The following UTP6 variants were observed in gnomAD, a reference collection of about 807,000 sequenced individuals.
The protein encoded by UTP6 is UTP6 small subunit processome component, also known as U3 small nucleolar RNA-associated protein 6 homolog.
A neutral mutation model predicts 96.5 loss-of-function variants in UTP6; 60 were observed. The ratio of observed to expected loss-of-function variants is 0.62; its 90% CI spans 0.51 to 0.77. The LOEUF is 0.77. UTP6 is among the 30% of genes least tolerant of loss of function. The pLI is 0.00. For missense variants in UTP6, 637 were observed against 706.5 expected, an observed-to-expected ratio of 0.90 and a Z score of 1.12; for synonymous variants, 215 against 240.1, an observed-to-expected ratio of 0.90 and a Z score of 0.96.
At chr17:31,880,297 C>T (rs966139497) in intron 11 of UTP6, 23 of 379,916 alleles carry the variant, frequency 6.1e-5, no homozygotes, top group South Asian at 1.2e-4. Context: ...GGCGGGCACC[C>T]GTAGTCCCAG....
At chr17:31,864,566 T>C (rs921984323) in intron 18 of UTP6, among the ~76,000 whole-genome samples, 2 of 152,246 alleles carry the variant, frequency 1.3e-5, no homozygotes, top group Middle Eastern at 3.4e-3. Flanking sequence ...TAACTCTAAA[T>C]ACATTTTTTT....
At chr17:31,864,017 TTTTTG>T (rs1406476956) in intron 18 of UTP6, among the ~76,000 whole-genome samples, 1 of 152,120 alleles carries the variant, frequency 6.6e-6, no homozygotes, top group Non-Finnish European at 1.5e-5. Context: ...GTTTTTTTGT[TTTTTG>T]TTTTTTTTCC....
At chr17:31,875,707 C>G (rs1910461401) in intron 13 of UTP6, among the ~76,000 whole-genome samples, 1 of 151,634 alleles carries the variant, frequency 6.6e-6, no homozygotes, top group Non-Finnish European at 1.5e-5. Context: ...TCTGTAATCC[C>G]AGCTACTCGG....
At position 31,862,157 on chromosome 17, in the gene UTP6, G is replaced by C. The variant is rs187711743; in HGVS notation, c.*1202C>G. On this transcript the variant is annotated 3_prime_UTR_variant, in exon 19 of 19. Coordinates refer to ENST00000261708, the MANE Select transcript of UTP6 (RefSeq NM_018428.3). Reference sequence around the variant, plus strand: ...AAAAATACAAAAATTGGCTGGGCGCGGTGGCGGGTGCCTGTAATCCCACCC... The same window carrying C: ...AAAAATACAAAAATTGGCTGGGCGCCGTGGCGGGTGCCTGTAATCCCACCC... 2 of 152,096 alleles carry C rather than the reference G, an allele frequency of 1.3e-5. No homozygotes were observed. Among genetic ancestry groups the C allele is most frequent in the Non-Finnish European group, 2.9e-5 (2 of 68,032 alleles). The allele number at this position is 152,096 out of a possible 1,614,324, so 9.4% of individuals were successfully genotyped here.
chr17:31,898,688 A>G (rs1211622982), intron 2 of UTP6, among the ~76,000 whole-genome samples: 1 of 152,020 alleles, frequency 6.6e-6, no homozygotes, highest in South Asian at 2.1e-4. Context: ...TGGGTGACAC[A>G]GAGAGACTCT....
chr17:31,888,049 C>A (rs928593804), intron 7 of UTP6: 3 of 148,576 alleles, frequency 2.0e-5, no homozygotes, highest in African/African-American at 7.4e-5. Flanking sequence ...GCTTCCAATA[C>A]ATTCTTTCTC....
At chr17:31,877,664 C>G (rs139462859) in intron 13 of UTP6, among the ~76,000 whole-genome samples, 3,679 of 151,874 alleles carry the variant, frequency 0.024, 68 homozygotes, top group Middle Eastern at 0.051. Flanking sequence ...AAACTCTGTC[C>G]CTACTAAAAA....
At chr17:31,896,203 C>T (rs1017364967) in intron 2 of UTP6, among the ~76,000 whole-genome samples, 1 of 151,284 alleles carries the variant, frequency 6.6e-6, no homozygotes, top group Non-Finnish European at 1.5e-5. Context: ...TCAGCCTCCC[C>T]AGTAGCTGGG....
rs991787575 is a variant in UTP6 at position 31,880,896 on chromosome 17, G to A, written c.786-142C>T. 160 of 1,172,760 alleles carry A rather than the reference G, an allele frequency of 1.4e-4. 1 individual carries two copies. The South Asian group carries it at 1.9e-3, about 14-fold the overall frequency. 72.6% of individuals were successfully genotyped at this position (1,172,760 alleles called of 1,614,324 possible). On this transcript the variant is annotated intron_variant, in intron 10 of 18. Transcript: ENST00000261708. ...TACCATAAAAACTATTTCCCAGGCC[G>A]GGCCCGGTGGCTCACGCCACTGGGA...
intron 10 of UTP6, among the ~76,000 whole-genome samples, chr17:31,881,291 C>T (rs75122780): frequency 3.2e-4 from 47 of 144,798 alleles, no homozygotes; most frequent in Admixed American, 1.5e-3. Context: ...TTTTTTGAGC[C>T]AGAATCTCAT....
intron 12 of UTP6, 138 bp downstream of exon 12, chr17:31,878,564 G>A (rs561636597): frequency 3.1e-5 from 28 of 890,148 alleles, no homozygotes; most frequent in Non-Finnish European, 3.5e-5. Flanking sequence ...AGAATGTCAC[G>A]TCACCCACAA....
intron 6 of UTP6, among the ~76,000 whole-genome samples, chr17:31,891,141 AAT>A (rs1473259991): frequency 4.0e-4 from 61 of 152,314 alleles, no homozygotes; most frequent in African/African-American, 1.4e-3. Context: ...TTTTGTTAAA[AAT>A]GACGCCTGAT....
Position 31,892,750 on chromosome 17 carries a change from C to T in UTP6, c.357G>A (p.Lys119=). 6.2e-7 allele frequency: 1 copy of T among 1,614,146 alleles called. No homozygotes were observed. The highest frequency in any genetic ancestry group is 1.1e-5 in the South Asian group (1 of 91,088). ...AGACATGCATGGCTTTACTCACCCA[C>T]TTCTTACAAAAAGCCACATAGGAGA... ...LWLSYVAFCK[K]WATKTRLSKV... The change falls in exon 5 of 19, where the codon AAG becomes AAA. Residue 119 remains lysine (K), a synonymous_variant. Coordinates refer to ENST00000261708, the MANE Select transcript of UTP6 (RefSeq NM_018428.3).
At chr17:31,883,648 C>A (rs987596977) in intron 10 of UTP6, among the ~76,000 whole-genome samples, 1 of 151,356 alleles carries the variant, frequency 6.6e-6, no homozygotes, top group African/African-American at 2.4e-5. Flanking sequence ...AACTATTTCC[C>A]CCAGTAAGTG....
chr17:31,871,307 G>T (rs1159134965), intron 16 of UTP6, among the ~76,000 whole-genome samples: 1 of 151,950 alleles, frequency 6.6e-6, no homozygotes, highest in Non-Finnish European at 1.5e-5. Flanking sequence ...ACTTTTCATA[G>T]AAATGAAGTC....
At chr17:31,894,031 G>A (rs963135632) in intron 4 of UTP6, among the ~76,000 whole-genome samples, 2 of 151,904 alleles carry the variant, frequency 1.3e-5, no homozygotes, top group East Asian at 3.9e-4. Flanking sequence ...CACTTTGGGA[G>A]GCTGAGGTGG....
chr17:31,868,304 T>C (rs1909946116), intron 16 of UTP6, among the ~76,000 whole-genome samples, 192 bp from the exon 17 acceptor site: 1 of 145,430 alleles, frequency 6.9e-6, no homozygotes, highest in African/African-American at 2.5e-5. Flanking sequence ...TTTCTCTTCA[T>C]ACCCAGTTCT....
At chr17:31,866,147 C>T (rs879821012) in intron 17 of UTP6, among the ~76,000 whole-genome samples, 2 of 151,798 alleles carry the variant, frequency 1.3e-5, no homozygotes, top group Non-Finnish European at 2.9e-5. Context: ...ATTAGCCAGG[C>T]GTGGTGGCGG....
intron 13 of UTP6, 116 bp downstream of exon 13, chr17:31,878,134 G>A (rs1434444565): frequency 3.0e-5 from 29 of 961,106 alleles, no homozygotes; most frequent in East Asian, 5.2e-5. Context: ...TTCACATACC[G>A]AACTCCCAAG....
Sources: gnomAD v4.1 joint callset for allele counts (sites outside exome capture counted in the v4.1 genomes callset) on GRCh38, gnomAD v4.1.1 for gene constraint, MANE v1.5 for transcripts, NCBI Gene and HGNC (gene_info 2026-07-23, HGNC 2026-07-21) for gene names.